Variants in FHIT observed in about 807,000 individuals in gnomAD.
FHIT encodes the protein fragile histidine triad diadenosine triphosphatase.
FHIT carries 19 observed loss-of-function variants against 17.9 expected under a neutral mutation model. That is an observed-to-expected ratio of 1.06 (90% CI 0.74 to 1.56). The LOEUF (loss-of-function observed/expected upper bound fraction) is 1.56. FHIT is among the 40% of genes most tolerant of loss of function. The probability of loss-of-function intolerance (pLI) is 0.00; values close to 1 mark genes in which losing one functional copy is unlikely to be tolerated. For synonymous variants in FHIT, 81 were observed against 69.7 expected, an observed-to-expected ratio of 1.16 and a Z score of -0.81; for missense variants, 248 against 189.2, an observed-to-expected ratio of 1.31 and a Z score of -1.82.
chr3:60,802,294 G>A (rs1575543809), intron 4 of FHIT, among the ~76,000 whole-genome samples: 1 of 152,296 alleles, frequency 6.6e-6, no homozygotes, highest in East Asian at 1.9e-4. Context: ...TAACAGGAGG[G>A]TGTTCTCAGA....
intron 2 of FHIT, among the ~76,000 whole-genome samples, chr3:61,142,262 C>T (rs1476617425): frequency 2.0e-5 from 3 of 151,338 alleles, no homozygotes; most frequent in Non-Finnish European, 4.4e-5. Context: ...CCTTTTCTCC[C>T]AGGGACTAAA....
At chr3:60,124,010 A>ATATATATATATATT (rs1705406873) in intron 5 of FHIT, among the ~76,000 whole-genome samples, 1 of 36,550 alleles carries the variant, frequency 2.7e-5, no homozygotes, top group African/African-American at 1.1e-4. Flanking sequence ...ATATATATAT[A>ATATATATATATATT]GAGAGAGAGA....
At chr3:60,183,886 C>T (rs1702050334) in intron 5 of FHIT, among the ~76,000 whole-genome samples, 1 of 152,074 alleles carries the variant, frequency 6.6e-6, no homozygotes, top group Non-Finnish European at 1.5e-5. Context: ...TCAGAGTTCC[C>T]ATATATGCCA....
intron 2 of FHIT, among the ~76,000 whole-genome samples, chr3:61,097,078 C>CAAAAA (rs4020380): frequency 2.0e-5 from 2 of 99,752 alleles, no homozygotes; most frequent in African/African-American, 8.0e-5. Flanking sequence ...GACTCAATCT[C>CAAAAA]AAAAAAAAAA....
chr3:60,278,840 A>C (rs1382535000), intron 5 of FHIT, among the ~76,000 whole-genome samples: 1 of 152,204 alleles, frequency 6.6e-6, no homozygotes, highest in African/African-American at 2.4e-5. Flanking sequence ...TAAACTAAAT[A>C]AAAATGAAAA....
At chr3:61,150,313 C>T (rs986231968) in intron 2 of FHIT, among the ~76,000 whole-genome samples, 6 of 151,812 alleles carry the variant, frequency 4.0e-5, no homozygotes, top group African/African-American at 7.3e-5. Context: ...ATGTGAGGAG[C>T]GGTGGGGAGC....
chr3:59,903,270 G>C (rs1166843540), intron 8 of FHIT, among the ~76,000 whole-genome samples: 1 of 152,158 alleles, frequency 6.6e-6, no homozygotes, highest in Non-Finnish European at 1.5e-5. Context: ...GTAGTTTCCA[G>C]GGTTATGGAA....
intron 5 of FHIT, among the ~76,000 whole-genome samples, chr3:60,519,436 T>C (rs961868260): frequency 6.6e-6 from 1 of 152,222 alleles, no homozygotes; most frequent in Non-Finnish European, 1.5e-5. Context: ...CCACTCCCCA[T>C]CTGCATAGTT....
intron 5 of FHIT, among the ~76,000 whole-genome samples, chr3:60,250,546 G>A (rs150205841): frequency 9.7e-4 from 147 of 152,242 alleles, no homozygotes; most frequent in African/African-American, 3.4e-3. Context: ...TCTCACCAGC[G>A]GGTATTGATA....
chr3:59,944,438 G>C (rs1453441359), intron 7 of FHIT, among the ~76,000 whole-genome samples: 2 of 152,014 alleles, frequency 1.3e-5, no homozygotes, highest in Admixed American at 1.3e-4. Flanking sequence ...CCACTAATCT[G>C]TTCTCCACCT....
At chr3:59,751,291 A>C (rs1559569244) in intron 9 of FHIT, 1 of 178,636 alleles carries the variant, frequency 5.6e-6, no homozygotes, top group East Asian at 9.4e-5. Flanking sequence ...CCCAGGCTGG[A>C]ATGCAGTGGC....
chr3:59,872,287 G>A (rs896892810), intron 8 of FHIT, among the ~76,000 whole-genome samples: 3 of 152,136 alleles, frequency 2.0e-5, no homozygotes, highest in Non-Finnish European at 4.4e-5. Context: ...CTGGGCTCAG[G>A]CAATTACAGG....
intron 5 of FHIT, among the ~76,000 whole-genome samples, chr3:60,473,009 G>C (rs2033168513): frequency 6.6e-6 from 1 of 152,028 alleles, no homozygotes; most frequent in South Asian, 2.1e-4. Flanking sequence ...CAGAGACTGA[G>C]AACTTTTAAA....
intron 4 of FHIT, among the ~76,000 whole-genome samples, chr3:60,565,726 G>C (rs141638351): frequency 6.6e-6 from 1 of 152,282 alleles, no homozygotes; most frequent in Non-Finnish European, 1.5e-5. Flanking sequence ...TGGATTCACT[G>C]ATTTTTTGAA....
At chr3:61,160,949 A>T (rs1386596010) in intron 2 of FHIT, among the ~76,000 whole-genome samples, 1 of 152,156 alleles carries the variant, frequency 6.6e-6, no homozygotes, top group Non-Finnish European at 1.5e-5. Context: ...TTCAGCTCAG[A>T]TTATCTCCTT....
intron 4 of FHIT, among the ~76,000 whole-genome samples, chr3:60,598,086 T>C (rs2038328190): frequency 6.6e-6 from 1 of 152,234 alleles, no homozygotes; most frequent in African/African-American, 2.4e-5. Flanking sequence ...GAAAGATGTA[T>C]CATCCTAAGC....
intron 5 of FHIT, among the ~76,000 whole-genome samples, chr3:60,289,023 G>C (rs1707858641): frequency 6.6e-6 from 1 of 152,122 alleles, no homozygotes; most frequent in African/African-American, 2.4e-5. Flanking sequence ...TAGTGTAAGT[G>C]AAGATATCAT....
chr3:60,504,223 C>G (rs955707679), intron 5 of FHIT, among the ~76,000 whole-genome samples: 1 of 152,148 alleles, frequency 6.6e-6, no homozygotes, highest in African/African-American at 2.4e-5. Context: ...ATCATGAGGT[C>G]AGGAGATCGA....
chr3:60,331,276 C>T (rs1576487533), intron 5 of FHIT, among the ~76,000 whole-genome samples: 1 of 152,248 alleles, frequency 6.6e-6, no homozygotes, highest in East Asian at 1.9e-4. Flanking sequence ...GTGCCCTTTC[C>T]TGATTTTTTT....
Sources: allele counts gnomAD v4.1 joint callset (sites outside exome capture counted in the v4.1 genomes callset), GRCh38; gene constraint gnomAD v4.1.1; transcripts MANE v1.5; gene names NCBI Gene and HGNC (gene_info 2026-07-23, HGNC 2026-07-21).